Variants in PDE11A observed in about 807,000 individuals in gnomAD.
PDE11A encodes phosphodiesterase 11A.
In PDE11A, 100 loss-of-function variants were observed where a neutral mutation model predicts 100.5. That is an observed-to-expected ratio of 1.00 (90% CI 0.85 to 1.18). PDE11A has a LOEUF of 1.18. Among genes scored for constraint, PDE11A ranks in the 50% most tolerant of loss-of-function variants. The pLI, the probability that PDE11A is intolerant of heterozygous loss-of-function variation, is 0.00. For missense variants in PDE11A, 1,141 were observed against 1,152.6 expected, an observed-to-expected ratio of 0.99 and a Z score of 0.15; for synonymous variants, 381 against 420.8, an observed-to-expected ratio of 0.91 and a Z score of 1.16.
chr2:177,681,352 T>C lies in PDE11A; in HGVS notation c.2346-449A>G, dbSNP rs2080860592. On this transcript the variant is annotated intron_variant, in intron 15 of 19. Coordinates refer to ENST00000286063, the MANE Select transcript of PDE11A (RefSeq NM_016953.4). The stretch of plus-strand genomic sequence containing the variant: ...CCTGGTAGTAAATTCAAGATAAATA[T>C]ATTTTTTTCCAGGTTAGAAAATAAC... Among the ~76,000 whole-genome samples, 3 of 152,250 alleles carry C rather than the reference T, an allele frequency of 2.0e-5. No homozygotes were observed. The South Asian group carries it at 6.2e-4, about 31-fold the overall frequency.
chr2:178,004,689 T>C (rs916546187), intron 2 of PDE11A, among the ~76,000 whole-genome samples: 1 of 152,200 alleles, frequency 6.6e-6, no homozygotes, highest in African/African-American at 2.4e-5. Flanking sequence ...TTAACTAAAA[T>C]ACTGTTTCAA....
intron 9 of PDE11A, among the ~76,000 whole-genome samples, chr2:177,789,097 T>G (rs1343064636): frequency 6.6e-6 from 1 of 152,146 alleles, no homozygotes; most frequent in African/African-American, 2.4e-5. Context: ...AAAGAGAATT[T>G]TAGACCAATA....
intron 16 of PDE11A, among the ~76,000 whole-genome samples, chr2:177,679,838 C>T (rs1036104370): frequency 6.6e-6 from 1 of 150,738 alleles, no homozygotes; most frequent in South Asian, 2.1e-4. Flanking sequence ...GGGTAAGGGG[C>T]GAGGAGGTGG....
At chr2:177,659,573 A>G (rs1170914622) in intron 19 of PDE11A, among the ~76,000 whole-genome samples, 1 of 152,228 alleles carries the variant, frequency 6.6e-6, no homozygotes, top group Non-Finnish European at 1.5e-5. Flanking sequence ...CTTAACAAAC[A>G]AAAGATTTAT....
intron 2 of PDE11A, among the ~76,000 whole-genome samples, chr2:178,099,446 GAAAAAAA>G (rs201692711): frequency 0.29 from 24,251 of 84,794 alleles, 1,645 homozygotes; most frequent in South Asian, 0.37. Flanking sequence ...CATCTCAAGA[GAAAAAAA>G]AAAAAAAAAA....
At chr2:177,759,981 T>C (rs1282437534) in intron 10 of PDE11A, among the ~76,000 whole-genome samples, 1 of 152,168 alleles carries the variant, frequency 6.6e-6, no homozygotes, top group African/African-American at 2.4e-5. Context: ...TCAAGAATAA[T>C]AGCTGAATCA....
At chr2:177,689,159 C>T (rs748205594) in intron 15 of PDE11A, among the ~76,000 whole-genome samples, 9 of 152,002 alleles carry the variant, frequency 5.9e-5, no homozygotes, top group African/African-American at 9.7e-5. Flanking sequence ...CTCGGCTCAC[C>T]GCAACCTCCT....
chr2:178,036,280 A>G (rs1194628164), intron 1 of PDE11A, among the ~76,000 whole-genome samples: 1 of 152,166 alleles, frequency 6.6e-6, no homozygotes, highest in Non-Finnish European at 1.5e-5. Context: ...CACGATTGCT[A>G]TAAAGAGAAT....
rs200673731 is a variant in PDE11A, at chr2:177,769,385, G to GA, written c.1738-13dup. On this transcript the variant is annotated splice_polypyrimidine_tract_variant and intron_variant, in intron 9 of 19. Coordinates refer to ENST00000286063, the MANE Select transcript of PDE11A (RefSeq NM_016953.4). ...TGGTATGATAGCACCTGATTCAGAA[G>GA]AAAAAAAAATAATTTTAATAACTAG... 1.5e-3 allele frequency: 2,291 copies of GA among 1,497,626 alleles called. No homozygotes were observed. Among genetic ancestry groups the GA allele is most frequent in the Non-Finnish European group, 1.9e-3 (2,022 of 1,079,604 alleles). The allele number at this position is 1,497,626 out of a possible 1,614,324, so 92.8% of individuals were successfully genotyped here.
intron 2 of PDE11A, among the ~76,000 whole-genome samples, chr2:177,951,954 C>T (rs1330681193): frequency 1.3e-5 from 2 of 152,152 alleles, no homozygotes; most frequent in Non-Finnish European, 2.9e-5. Context: ...ATGTGCACAA[C>T]GTGCAGGTTT....
chr2:177,651,273 A>T (rs1372488256), intron 19 of PDE11A, among the ~76,000 whole-genome samples: 1 of 152,198 alleles, frequency 6.6e-6, no homozygotes, highest in Non-Finnish European at 1.5e-5. Flanking sequence ...GATGATATTA[A>T]TGATAACAAT....
chr2:177,652,390 T>G (rs1251932839), intron 19 of PDE11A, among the ~76,000 whole-genome samples: 6 of 152,042 alleles, frequency 3.9e-5, no homozygotes, highest in African/African-American at 1.4e-4. Flanking sequence ...TGCAGACGGC[T>G]AGGTGAGCAC....
At chr2:177,862,985 C>A (rs190337555) in intron 5 of PDE11A, among the ~76,000 whole-genome samples, 39 of 152,002 alleles carry the variant, frequency 2.6e-4, no homozygotes, top group African/African-American at 9.4e-4. Flanking sequence ...AAAACTGACA[C>A]ACAAGCCAGT....
At chr2:177,896,130 T>G (rs2084607958) in intron 4 of PDE11A, among the ~76,000 whole-genome samples, 1 of 152,196 alleles carries the variant, frequency 6.6e-6, no homozygotes, top group African/African-American at 2.4e-5. Context: ...CAAAGAGGCC[T>G]TTTGAACTTT....
intron 2 of PDE11A, among the ~76,000 whole-genome samples, chr2:177,919,480 T>G (rs538420048): frequency 1.3e-4 from 20 of 152,302 alleles, no homozygotes; most frequent in African/African-American, 4.8e-4. Context: ...ACTAAGAATT[T>G]ATATTTAGAA....
intron 2 of PDE11A, among the ~76,000 whole-genome samples, chr2:178,005,721 C>T (rs567871378): frequency 3.9e-5 from 6 of 152,268 alleles, no homozygotes; most frequent in African/African-American, 1.4e-4. Flanking sequence ...AAATGGAACA[C>T]TATATAGCTA....
chr2:177,981,377 C>T (rs2085879877), intron 2 of PDE11A, among the ~76,000 whole-genome samples: 1 of 150,506 alleles, frequency 6.6e-6, no homozygotes, highest in African/African-American at 2.4e-5. Flanking sequence ...GGTCCTGCTC[C>T]CTTTGAGACT....
intron 15 of PDE11A, chr2:177,688,128 A>G (rs2080982774): frequency 6.6e-6 from 1 of 152,274 alleles, no homozygotes; most frequent in Non-Finnish European, 1.5e-5. Flanking sequence ...GTGTATGGAC[A>G]GTGGGGCCAG....
In PDE11A at chr2:177,754,803, G is replaced by A. The variant is rs193236612; in HGVS notation, c.1788+14520C>T. ...CAAGTAACTGCTTTTGCTAACACCG[G>A]GTTAACTGTTCACACACAAATCTGC... On this transcript the variant is annotated intron_variant, in intron 10 of 19. Transcript: ENST00000286063. Among the ~76,000 whole-genome samples the A allele has an allele frequency of 1.4e-3, 213 of 152,332 alleles. 2 individuals are homozygous for A. Among genetic ancestry groups the A allele is most frequent in the Admixed American group, 0.014 (207 of 15,296 alleles).
Sources: allele counts gnomAD v4.1 joint callset (sites outside exome capture counted in the v4.1 genomes callset), GRCh38; gene constraint gnomAD v4.1.1; transcripts MANE v1.5; gene names NCBI Gene and HGNC (gene_info 2026-07-23, HGNC 2026-07-21).